Variants in PARD3 observed in about 807,000 individuals in gnomAD.
The protein encoded by PARD3 is partitioning defective 3 homolog.
A neutral mutation model predicts 155.4 loss-of-function variants in PARD3; 75 were observed. The observed-to-expected ratio is 0.48, with a 90% confidence interval of 0.40 to 0.58. The LOEUF is 0.58. Among genes scored for constraint, PARD3 ranks in the 20% least tolerant of loss-of-function variants. The pLI is 0.00. For missense variants in PARD3, 1,642 were observed against 1,721.7 expected, an observed-to-expected ratio of 0.95 and a Z score of 0.82; for synonymous variants, 576 against 610.5, an observed-to-expected ratio of 0.94 and a Z score of 0.83.
chr10:34,739,872 GCTTGCTGGAAAATATTCC>G (rs766306865), intron 1 of PARD3, among the ~76,000 whole-genome samples: 37 of 152,172 alleles, frequency 2.4e-4, no homozygotes, highest in Non-Finnish European at 4.7e-4. Context: ...GTTTTCTGAA[GCTTGCTGGAAAATATTCC>G]CTATCTCTGT....
At chr10:34,249,709 TCATTCATATAAAGGCA>T (rs1311827672) in intron 22 of PARD3, among the ~76,000 whole-genome samples, 4 of 152,170 alleles carry the variant, frequency 2.6e-5, no homozygotes, top group Non-Finnish European at 5.9e-5. Flanking sequence ...TCTGATCTGA[TCATTCATATAAAGGCA>T]CAGTTTAAGA....
At chr10:34,513,415 G>A (rs535793840) in intron 3 of PARD3, among the ~76,000 whole-genome samples, 2 of 152,210 alleles carry the variant, frequency 1.3e-5, no homozygotes, top group East Asian at 1.9e-4. Context: ...CGAGTAGCTG[G>A]GACTACAGGC....
chr10:34,331,045 G>C, intron 19 of PARD3, 72 bp downstream of exon 19: 1 of 1,169,930 alleles, frequency 8.5e-7, no homozygotes, highest in Non-Finnish European at 1.3e-6. Flanking sequence ...AAAACTCCAG[G>C]GCTCCCTGGA....
intron 2 of PARD3, among the ~76,000 whole-genome samples, chr10:34,665,088 GT>G (rs1334409282): frequency 6.6e-5 from 10 of 151,714 alleles, no homozygotes; most frequent in South Asian, 2.1e-4. Context: ...CAATTACAAA[GT>G]TTTTTTTAAA....
At chr10:34,573,946 G>A (rs1474384532) in intron 2 of PARD3, among the ~76,000 whole-genome samples, 2 of 152,168 alleles carry the variant, frequency 1.3e-5, no homozygotes, top group Non-Finnish European at 2.9e-5. Context: ...GTTTAGTCAT[G>A]CTTGAGCATT....
At chr10:34,491,830 TGTCA>T (rs1447822664) in intron 3 of PARD3, among the ~76,000 whole-genome samples, 1 of 152,200 alleles carries the variant, frequency 6.6e-6, no homozygotes, top group Non-Finnish European at 1.5e-5. Flanking sequence ...TTTGCCAGTC[TGTCA>T]GACAACCAGG....
intron 22 of PARD3, among the ~76,000 whole-genome samples, chr10:34,267,846 C>T (rs1244926419): frequency 6.6e-6 from 1 of 152,098 alleles, no homozygotes; most frequent in Non-Finnish European, 1.5e-5. Flanking sequence ...AACCTCAGAC[C>T]TACTGAATCA....
At chr10:34,751,992 A>G (rs1342216153) in intron 1 of PARD3, among the ~76,000 whole-genome samples, 1 of 152,164 alleles carries the variant, frequency 6.6e-6, no homozygotes, top group African/African-American at 2.4e-5. Flanking sequence ...GTAGGTTTGT[A>G]TAGGCCTGCC....
At chr10:34,183,211 A>G (rs991516869) in intron 22 of PARD3, among the ~76,000 whole-genome samples, 1 of 152,204 alleles carries the variant, frequency 6.6e-6, no homozygotes, top group African/African-American at 2.4e-5. Context: ...AGAAATACTG[A>G]TTTCTAGTAT....
intron 22 of PARD3, among the ~76,000 whole-genome samples, chr10:34,167,422 C>G (rs1949585284): frequency 6.6e-6 from 1 of 151,918 alleles, no homozygotes; most frequent in Non-Finnish European, 1.5e-5. Context: ...ATGGTCTACA[C>G]TAGGAACAGC....
intron 14 of PARD3, among the ~76,000 whole-genome samples, chr10:34,355,253 G>A (rs1400389758): frequency 2.0e-5 from 3 of 152,136 alleles, no homozygotes; most frequent in Non-Finnish European, 4.4e-5. Flanking sequence ...CTTGAGCATG[G>A]GAAGTCGAGG....
chr10:34,135,067 A>T (rs1947820578), intron 22 of PARD3, among the ~76,000 whole-genome samples: 1 of 152,152 alleles, frequency 6.6e-6, no homozygotes, highest in South Asian at 2.1e-4. Flanking sequence ...TTGTGTGAGA[A>T]ATATAATAAA....
At chr10:34,562,898 A>C (rs2134077702) in intron 2 of PARD3, among the ~76,000 whole-genome samples, 1 of 152,122 alleles carries the variant, frequency 6.6e-6, no homozygotes, top group Admixed American at 6.6e-5. Context: ...CAGCCTCCCA[A>C]GTAGCTGGGA....
chr10:34,689,081 G>A (rs549489653), intron 2 of PARD3, among the ~76,000 whole-genome samples: 1 of 152,052 alleles, frequency 6.6e-6, no homozygotes, highest in African/African-American at 2.4e-5. Context: ...ATGCATCCAG[G>A]GGATATTCAC....
chr10:34,164,539 A>C (rs1949430380), intron 22 of PARD3, among the ~76,000 whole-genome samples: 1 of 152,246 alleles, frequency 6.6e-6, no homozygotes, highest in African/African-American at 2.4e-5. Flanking sequence ...TCTCAGCAGA[A>C]TATGACAACG....
chr10:34,333,922 T>C (rs1223617407), intron 18 of PARD3, among the ~76,000 whole-genome samples: 3 of 151,978 alleles, frequency 2.0e-5, no homozygotes, highest in Non-Finnish European at 2.9e-5. Context: ...CCCTAACACA[T>C]TGATTCAGTC....
At chr10:34,542,253 G>C (rs989055835) in intron 2 of PARD3, among the ~76,000 whole-genome samples, 2 of 112,392 alleles carry the variant, frequency 1.8e-5, no homozygotes, top group African/African-American at 3.1e-5. Flanking sequence ...ACACACACAC[G>C]CTTGCATTTA....
At chr10:34,685,955 T>G (rs1355403381) in intron 2 of PARD3, among the ~76,000 whole-genome samples, 1 of 152,186 alleles carries the variant, frequency 6.6e-6, no homozygotes, top group Non-Finnish European at 1.5e-5. Context: ...TAATGGAAAT[T>G]AAACACATTT....
At chr10:34,124,192 A>T (rs1327990761) in intron 23 of PARD3, among the ~76,000 whole-genome samples, 1 of 152,224 alleles carries the variant, frequency 6.6e-6, no homozygotes, top group Non-Finnish European at 1.5e-5. Context: ...CCAAGGGCAC[A>T]TATAGAAAAC....
Sources: allele counts gnomAD v4.1 joint callset (sites outside exome capture counted in the v4.1 genomes callset), GRCh38; gene constraint gnomAD v4.1.1; transcripts MANE v1.5; gene names NCBI Gene and HGNC (gene_info 2026-07-23, HGNC 2026-07-21).